CAMTA1: variants seen among roughly 807,000 people sequenced by gnomAD.
CAMTA1 encodes calmodulin-binding transcription activator 1.
A neutral mutation model predicts 170.9 loss-of-function variants in CAMTA1; 27 were observed. That is an observed-to-expected ratio of 0.16 (90% CI 0.12 to 0.22). CAMTA1 has a LOEUF of 0.22. CAMTA1 is among the 10% of genes least tolerant of loss of function. CAMTA1 has a pLI of 1.00. For missense variants in CAMTA1, 1,619 were observed against 2,217.2 expected (o/e 0.73, Z 5.42); for synonymous variants, 833 against 891.5 (o/e 0.93, Z 1.17).
At chr1:7,100,817 T>G (rs1206102048) in intron 4 of CAMTA1, among the ~76,000 whole-genome samples, 1 of 152,256 alleles carries the variant, frequency 6.6e-6, no homozygotes, top group Non-Finnish European at 1.5e-5. Context: ...CCATCCACTA[T>G]GCTGTGCATG....
intron 5 of CAMTA1, among the ~76,000 whole-genome samples, chr1:7,264,252 G>A (rs1668583058): frequency 6.6e-6 from 1 of 152,224 alleles, no homozygotes; most frequent in Admixed American, 6.5e-5. Context: ...AGTCCCTGGT[G>A]CAGCTGATGC....
chr1:7,737,838 G>C, intron 15 of CAMTA1, 121 bp from the exon 16 acceptor site: 1 of 981,818 alleles, frequency 1.0e-6, no homozygotes, highest in South Asian at 1.6e-5. Flanking sequence ...TTAAATGTTA[G>C]GGACGTGTCT....
At chr1:7,047,685 C>T (rs1705607910) in intron 3 of CAMTA1, among the ~76,000 whole-genome samples, 1 of 150,776 alleles carries the variant, frequency 6.6e-6, no homozygotes, top group Admixed American at 6.6e-5. Flanking sequence ...TCCTCCTGCT[C>T]ATTGGTTGGC....
intron 3 of CAMTA1, among the ~76,000 whole-genome samples, chr1:6,940,720 C>T (rs1365018029): frequency 6.6e-6 from 1 of 152,058 alleles, no homozygotes; most frequent in African/African-American, 2.4e-5. Flanking sequence ...ACGAGGGCCT[C>T]AGTGTGCACT....
intron 5 of CAMTA1, among the ~76,000 whole-genome samples, chr1:7,271,130 T>A (rs982306668): frequency 2.0e-5 from 3 of 152,128 alleles, no homozygotes; most frequent in Non-Finnish European, 4.4e-5. Flanking sequence ...GAAGTAATTA[T>A]GGTTAAATGA....
In CAMTA1 at chr1:7,732,462, A is replaced by G; in HGVS notation, c.2929A>G (p.Met977Val). The G allele has an allele frequency of 6.2e-7, 1 of 1,614,012 alleles. No homozygotes were observed. Among genetic ancestry groups the G allele is most frequent in the Non-Finnish European group, 8.5e-7 (1 of 1,179,974 alleles). The change falls in exon 12 of 23, where the codon ATG (methionine) becomes GTG (valine). Residue 977 changes from methionine (M) to valine (V), a missense_variant. Met to Val is a conservative substitution (Grantham distance 21). This residue lies in a region of CAMTA1 where 143 missense variants were observed against 184.2 expected (regional missense o/e 0.78). Coordinates refer to ENST00000303635, the MANE Select transcript of CAMTA1 (RefSeq NM_015215.4). The surrounding 1 kb of genome is among the most constrained non-coding windows in gnomAD (Gnocchi z 4.1). The stretch of plus-strand genomic sequence containing the variant: ...CTCTGCCCTAGATAACCAGTTCAGG[A>G]TGTCCATCCTGGAACGACTGGAGCA... Reference protein sequence around the residue: ...WLSLDDNQFRMSILERLEQME... With the variant: ...WLSLDDNQFRVSILERLEQME...
rs72640028 is a variant in CAMTA1, at chr1:7,050,673, T to C, written c.235-40631T>C. ...AAGAGTTCATTGTCTATTTCTTAGG[T>C]GAGGGACTCCAATTTGTGGAGGCAA... On this transcript the variant is annotated intron_variant, in intron 3 of 22. Transcript: ENST00000303635. This position sits in a 1 kb window ranked among gnomAD's most constrained non-coding sequence, Gnocchi z 4.8. Among the ~76,000 whole-genome samples, 13,223 of 148,850 alleles carry C rather than the reference T, an allele frequency of 0.089. 568 individuals are homozygous for C. Among genetic ancestry groups the C allele is most frequent in the East Asian group, 0.17 (880 of 5,030 alleles).
rs1310214037 is a variant in CAMTA1 at position 7,767,916 on chromosome 1, A to T, written c.*1425A>T. On this transcript the variant is annotated 3_prime_UTR_variant, in exon 23 of 23. Coordinates refer to ENST00000303635, the MANE Select transcript of CAMTA1 (RefSeq NM_015215.4). Reference sequence around the variant, plus strand: ...AGTAACATTACTTAAAAAAAAAAGGATATGTTTACATTTAATTTTGGCTAC... The same window carrying T: ...AGTAACATTACTTAAAAAAAAAAGGTTATGTTTACATTTAATTTTGGCTAC... 6.6e-6 allele frequency: 1 copy of T among 151,274 alleles called. No homozygotes were observed. Among genetic ancestry groups the T allele is most frequent in the African/African-American group, 2.4e-5 (1 of 40,948 alleles). 9.4% of individuals were successfully genotyped at this position (151,274 alleles called of 1,614,324 possible).
intron 5 of CAMTA1, among the ~76,000 whole-genome samples, chr1:7,369,536 C>T (rs1336065528): frequency 6.6e-6 from 1 of 152,022 alleles, no homozygotes; most frequent in African/African-American, 2.4e-5. Flanking sequence ...AGGGAAGAGA[C>T]ACATGGGGTA....
At chr1:6,945,324 C>G (rs959553582) in intron 3 of CAMTA1, among the ~76,000 whole-genome samples, 1 of 152,010 alleles carries the variant, frequency 6.6e-6, no homozygotes, top group African/African-American at 2.4e-5. Flanking sequence ...ACCCTATGCC[C>G]TTTATAATTT....
intron 4 of CAMTA1, among the ~76,000 whole-genome samples, chr1:7,210,194 T>G (rs1435166690): frequency 6.6e-6 from 1 of 152,250 alleles, no homozygotes; most frequent in Admixed American, 6.5e-5. Context: ...TGTTGTAGGA[T>G]CCAATTCAGA....
In CAMTA1 at chr1:7,547,530, A is replaced by T. The variant is rs936854310; in HGVS notation, c.510+79629A>T. Among the ~76,000 whole-genome samples, 3 of 152,166 alleles carry T rather than the reference A, an allele frequency of 2.0e-5. No individual in the cohort carries two copies. The highest frequency in any genetic ancestry group is 2.0e-4 in the Admixed American group (3 of 15,278). ...TTCCCTAAATAAAACAGTATAAGAA[A>T]TATTTACATAGCATTTACATTGTTA... On this transcript the variant is annotated intron_variant, in intron 6 of 22. Coordinates refer to ENST00000303635, the MANE Select transcript of CAMTA1 (RefSeq NM_015215.4). The surrounding 1 kb of genome is among the most constrained non-coding windows in gnomAD (Gnocchi z 5.7).
chr1:7,083,787 A>G (rs778227555), intron 3 of CAMTA1, among the ~76,000 whole-genome samples: 5 of 152,228 alleles, frequency 3.3e-5, no homozygotes, highest in East Asian at 1.9e-4. Context: ...CACATCCCTA[A>G]TAAAGTACAT....
chr1:6,890,088 G>A (rs540790672), intron 3 of CAMTA1, among the ~76,000 whole-genome samples: 2 of 152,308 alleles, frequency 1.3e-5, no homozygotes, highest in South Asian at 2.1e-4. Flanking sequence ...CACAGAGGAC[G>A]TCAGGCAGAG....
chr1:7,690,093 G>A (rs747126459), intron 11 of CAMTA1, among the ~76,000 whole-genome samples: 3 of 152,360 alleles, frequency 2.0e-5, no homozygotes, highest in African/African-American at 7.2e-5. Context: ...AACCCGGGAA[G>A]CAGAGGTTGC....
At chr1:7,655,068 A>G (rs2095877854) in intron 7 of CAMTA1, among the ~76,000 whole-genome samples, 1 of 138,400 alleles carries the variant, frequency 7.2e-6, no homozygotes, top group Non-Finnish European at 1.6e-5. Context: ...AAACACACCC[A>G]CCTATACACA....
intron 3 of CAMTA1, among the ~76,000 whole-genome samples, chr1:6,978,990 TCGC>T (rs1557917376): frequency 3.3e-5 from 5 of 152,094 alleles, no homozygotes; most frequent in Non-Finnish European, 7.4e-5. Flanking sequence ...CCTGGGGAGC[TCGC>T]TCTCCCTTGC....
At chr1:6,931,951 T>TA (rs1684489735) in intron 3 of CAMTA1, among the ~76,000 whole-genome samples, 1 of 152,256 alleles carries the variant, frequency 6.6e-6, no homozygotes, top group South Asian at 2.1e-4. Flanking sequence ...TTCCTGGGCT[T>TA]ATAACACCTG....
intron 6 of CAMTA1, among the ~76,000 whole-genome samples, chr1:7,577,513 C>T (rs1197142618): frequency 1.3e-5 from 2 of 152,054 alleles, no homozygotes; most frequent in Non-Finnish European, 2.9e-5. Context: ...AAGGAAGTCC[C>T]ATCTAGACAC....
Sources: allele counts gnomAD v4.1 joint callset (sites outside exome capture counted in the v4.1 genomes callset), GRCh38; gene constraint gnomAD v4.1.1; regional missense constraint gnomAD v4.1.1; non-coding constraint Gnocchi (gnomAD v3.1); transcripts MANE v1.5; gene names NCBI Gene and HGNC (gene_info 2026-07-23, HGNC 2026-07-21).